The following FHIT variants were observed in gnomAD, a reference collection of about 807,000 sequenced individuals.
FHIT encodes fragile histidine triad diadenosine triphosphatase.
FHIT carries 19 observed loss-of-function variants against 17.9 expected under a neutral mutation model. That is an observed-to-expected ratio of 1.06 (90% CI 0.74 to 1.56). FHIT has a LOEUF of 1.56. Among genes scored for constraint, FHIT ranks in the 40% most tolerant of loss-of-function variants. The pLI, the probability that FHIT is intolerant of heterozygous loss-of-function variation, is 0.00. For synonymous variants in FHIT, 81 were observed against 69.7 expected, an observed-to-expected ratio of 1.16 and a Z score of -0.81; for missense variants, 248 against 189.2, an observed-to-expected ratio of 1.31 and a Z score of -1.82.
At chr3:60,191,061 A>C (rs1702383082) in intron 5 of FHIT, among the ~76,000 whole-genome samples, 1 of 152,124 alleles carries the variant, frequency 6.6e-6, no homozygotes, top group African/African-American at 2.4e-5. Flanking sequence ...AGTCTTCCTG[A>C]TACTTCCTTC....
chr3:60,139,639 G>A (rs1005907954), intron 5 of FHIT, among the ~76,000 whole-genome samples: 2 of 152,118 alleles, frequency 1.3e-5, no homozygotes, highest in East Asian at 3.9e-4. Context: ...AGGGTGGGAG[G>A]TCAAGGGAAA....
intron 2 of FHIT, among the ~76,000 whole-genome samples, chr3:61,196,147 T>C (rs2038847426): frequency 1.3e-5 from 2 of 151,960 alleles, no homozygotes; most frequent in South Asian, 4.1e-4. Context: ...ATAATATAAG[T>C]ACATTATTTA....
chr3:59,764,098 G>C (rs1329317248), intron 8 of FHIT, among the ~76,000 whole-genome samples: 1 of 152,158 alleles, frequency 6.6e-6, no homozygotes, highest in Non-Finnish European at 1.5e-5. Context: ...ATGACACTTT[G>C]GGGCTCAATG....
intron 5 of FHIT, among the ~76,000 whole-genome samples, chr3:60,070,602 C>T (rs1702724469): frequency 1.3e-5 from 2 of 152,202 alleles, no homozygotes; most frequent in African/African-American, 4.8e-5. Context: ...GCTTTTGTCA[C>T]ATTCTTTAGG....
chr3:60,505,545 GCA>G (rs1162213790), intron 5 of FHIT, among the ~76,000 whole-genome samples: 1 of 152,060 alleles, frequency 6.6e-6, no homozygotes, highest in Non-Finnish European at 1.5e-5. Context: ...TAATACAGAC[GCA>G]CATTCTCTCT....
At chr3:59,820,384 T>A (rs999465427) in intron 8 of FHIT, among the ~76,000 whole-genome samples, 2 of 152,162 alleles carry the variant, frequency 1.3e-5, no homozygotes, top group African/African-American at 4.8e-5. Context: ...AACTTACACA[T>A]GCCTAGGCCC....
intron 5 of FHIT, among the ~76,000 whole-genome samples, chr3:60,465,996 T>C (rs1316554678): frequency 6.6e-6 from 1 of 152,152 alleles, no homozygotes; most frequent in Non-Finnish European, 1.5e-5. Context: ...ATTTTAACAG[T>C]ATTGATTCTT....
chr3:59,937,075 C>T (rs1391630622), intron 7 of FHIT, among the ~76,000 whole-genome samples: 1 of 152,118 alleles, frequency 6.6e-6, no homozygotes, highest in East Asian at 1.9e-4. Flanking sequence ...CTATGCTGAG[C>T]TTTATGTCGA....
chr3:60,336,911 GTTCT>G lies in FHIT; in HGVS notation c.103+199945_103+199948del, dbSNP rs1032483683. 2.2e-4 allele frequency among the ~76,000 whole-genome samples: 32 copies of G among 145,438 alleles called. No homozygotes were observed. In the South Asian group the frequency reaches 3.9e-3, roughly 18 times the overall value. On this transcript the variant is annotated intron_variant, in intron 5 of 9. Transcript: ENST00000492590. The stretch of plus-strand genomic sequence containing the variant: ...AAAGTAAGCAAAAAAAAAAAAAAAA[GTTCT>G]TTGTCAGTTTGATGAGTGTATCTGT...
At chr3:60,463,908 G>T (rs768142083) in intron 5 of FHIT, among the ~76,000 whole-genome samples, 20 of 152,264 alleles carry the variant, frequency 1.3e-4, no homozygotes, top group Non-Finnish European at 2.1e-4. Context: ...TATTATCCAC[G>T]AATCAGTTTA....
Position 60,008,597 on chromosome 3 carries a change from C to T in FHIT, c.279+2774G>A, listed in dbSNP as rs149134529. Among the ~76,000 whole-genome samples, 955 of 152,260 alleles carry T rather than the reference C, an allele frequency of 6.3e-3. 8 individuals are homozygous for T. The highest frequency in any genetic ancestry group is 0.022 in the African/African-American group (912 of 41,548). On this transcript the variant is annotated intron_variant, in intron 7 of 9. Coordinates refer to ENST00000492590, the MANE Select transcript of FHIT (RefSeq NM_002012.4). ...TACTGGGCTTATTGCTATTACCACT[C>T]AGCATGAGACAAAAATGGTTTAGAA...
intron 4 of FHIT, among the ~76,000 whole-genome samples, chr3:60,628,870 C>A (rs1423196966): frequency 6.6e-6 from 1 of 152,132 alleles, no homozygotes; most frequent in Non-Finnish European, 1.5e-5. Flanking sequence ...CCAGAGCTGG[C>A]AGGCAGAGTA....
intron 8 of FHIT, among the ~76,000 whole-genome samples, chr3:59,867,828 C>T (rs1702723100): frequency 6.6e-6 from 1 of 151,968 alleles, no homozygotes; most frequent in Non-Finnish European, 1.5e-5. Context: ...TATGTACTCC[C>T]CATCTCAAGT....
intron 5 of FHIT, among the ~76,000 whole-genome samples, chr3:60,301,323 G>T (rs574027590): frequency 2.0e-5 from 3 of 152,114 alleles, no homozygotes; most frequent in Admixed American, 6.6e-5. Flanking sequence ...CCTTATGTAC[G>T]TATTACTAAA....
intron 8 of FHIT, among the ~76,000 whole-genome samples, chr3:59,781,180 C>T (rs571947999): frequency 1.2e-4 from 18 of 152,284 alleles, no homozygotes; most frequent in Middle Eastern, 3.4e-3. Context: ...CTAGAATGAC[C>T]TGTAACATCA....
intron 7 of FHIT, among the ~76,000 whole-genome samples, chr3:59,938,913 C>T (rs1035326694): frequency 1.3e-5 from 2 of 152,132 alleles, no homozygotes; most frequent in African/African-American, 4.8e-5. Flanking sequence ...AATCATATCT[C>T]GGTTTGGGTC....
intron 2 of FHIT, among the ~76,000 whole-genome samples, chr3:61,133,794 G>A (rs915519188): frequency 6.6e-6 from 1 of 152,072 alleles, no homozygotes; most frequent in Admixed American, 6.5e-5. Flanking sequence ...TATTTTAAGA[G>A]GTCAAGGAGC....
Position 60,173,242 on chromosome 3 carries a change from T to G in FHIT, c.104-159090A>C, listed in dbSNP as rs971922290. Among the ~76,000 whole-genome samples, 4 of 152,138 alleles carry G rather than the reference T, an allele frequency of 2.6e-5. No individual in the cohort carries two copies. In the East Asian group the frequency reaches 7.7e-4, roughly 29 times the overall value. ...CAGCAGGGACCCACCATTCCCAGAC[T>G]GGTATCTTAGGGTCCAGATTCCATC... is the stretch of plus-strand genomic sequence containing the variant. On this transcript the variant is annotated intron_variant, in intron 5 of 9. Coordinates refer to ENST00000492590, the MANE Select transcript of FHIT (RefSeq NM_002012.4).
intron 5 of FHIT, among the ~76,000 whole-genome samples, chr3:60,308,496 G>GTATATA (rs5849349): frequency 6.6e-3 from 931 of 140,794 alleles, no homozygotes; most frequent in South Asian, 0.014. Context: ...AGGTGTATGT[G>GTATATA]TATATATATA....
Sources: allele counts gnomAD v4.1 joint callset (sites outside exome capture counted in the v4.1 genomes callset), GRCh38; gene constraint gnomAD v4.1.1; transcripts MANE v1.5; gene names NCBI Gene and HGNC (gene_info 2026-07-23, HGNC 2026-07-21).